Variants in PIEZO2 observed in about 807,000 individuals in gnomAD.
PIEZO2 encodes piezo type mechanosensitive ion channel component 2, also known as piezo-type mechanosensitive ion channel component 2.
Under a neutral mutation model 337.3 loss-of-function variants are expected in PIEZO2, and 172 were observed. The observed-to-expected ratio is 0.51, with a 90% confidence interval of 0.45 to 0.58. PIEZO2 has a LOEUF of 0.58. Among genes scored for constraint, PIEZO2 ranks in the 20% least tolerant of loss-of-function variants. The probability of loss-of-function intolerance (pLI) is 0.00; values close to 1 mark genes in which losing one functional copy is unlikely to be tolerated. For missense variants in PIEZO2, 3,028 were observed against 3,391.3 expected, an observed-to-expected ratio of 0.89 and a Z score of 2.66; for synonymous variants, 1,251 against 1,228.5, an observed-to-expected ratio of 1.02 and a Z score of -0.38.
intron 1 of PIEZO2, among the ~76,000 whole-genome samples, chr18:11,138,842 G>C (rs1173186028): frequency 6.6e-6 from 1 of 152,166 alleles, no homozygotes; most frequent in East Asian, 1.9e-4. Context: ...TTGTTTCAAA[G>C]GTAACCATGA....
chr18:10,954,867 T>C lies in PIEZO2; in HGVS notation c.286+24668A>G, dbSNP rs2033450555. ...CTGATGTTAGTAATGTTTTCCTTGA[T>C]CTCCCCAGAAAAGTATAAACTTCAG... On this transcript the variant is annotated intron_variant, in intron 3 of 55. Transcript: ENST00000674853. This position sits in a 1 kb window ranked among gnomAD's most constrained non-coding sequence, Gnocchi z 4.2. Among the ~76,000 whole-genome samples, 1 of 152,212 alleles carries C rather than the reference T, an allele frequency of 6.6e-6. No individual in the cohort carries two copies. Among genetic ancestry groups the C allele is most frequent in the South Asian group, 2.1e-4 (1 of 4,828 alleles).
At chr18:10,867,890 G>A (rs1019765059) in intron 5 of PIEZO2, among the ~76,000 whole-genome samples, 22 of 152,034 alleles carry the variant, frequency 1.4e-4, no homozygotes, top group Admixed American at 2.0e-4. Context: ...ATGAACAAAT[G>A]AGCAAGACCA....
chr18:11,038,098 C>G lies in PIEZO2; in HGVS notation c.160+28029G>C, dbSNP rs1301065495. ...AAGTCACACTTGTTTTTCATTGGCT[C>G]AAAACATTGTAAAAGATACTCTGCA... On this transcript the variant is annotated intron_variant, in intron 2 of 55. Coordinates refer to ENST00000674853, the MANE Select transcript of PIEZO2 (RefSeq NM_001378183.1). This position sits in a 1 kb window ranked among gnomAD's most constrained non-coding sequence, Gnocchi z 4.1. 6.6e-6 allele frequency among the ~76,000 whole-genome samples: 1 copy of G among 152,078 alleles called. No homozygotes were observed. The highest frequency in any genetic ancestry group is 1.5e-5 in the Non-Finnish European group (1 of 68,022).
rs1341722055 is a variant in PIEZO2 at position 10,855,705 on chromosome 18, T to C, written c.704-139A>G. Reference sequence around the variant, plus strand: ...TTAAAATAGTAATTTTTAAAAATCATGTTTGATTTATATAATAAAAATTAA... The same window carrying C: ...TTAAAATAGTAATTTTTAAAAATCACGTTTGATTTATATAATAAAAATTAA... On this transcript the variant is annotated intron_variant, in intron 6 of 55. Coordinates refer to ENST00000674853, the MANE Select transcript of PIEZO2 (RefSeq NM_001378183.1). The surrounding 1 kb of genome is among the most constrained non-coding windows in gnomAD (Gnocchi z 4.9). The C allele has an allele frequency of 4.4e-6, 3 of 683,822 alleles. No homozygotes were observed. The highest frequency in any genetic ancestry group is 2.4e-6 in the Non-Finnish European group (1 of 419,462). The allele number at this position is 683,822 out of a possible 1,614,324, so 42.4% of individuals were successfully genotyped here.
intron 27 of PIEZO2, among the ~76,000 whole-genome samples, chr18:10,754,028 G>A (rs2037746132): frequency 1.3e-5 from 2 of 152,312 alleles, no homozygotes; most frequent in South Asian, 4.1e-4. Flanking sequence ...TGGGCTGCTA[G>A]CATTTTGAGT....
At chr18:10,812,404 A>T (rs1282067757) in intron 7 of PIEZO2, among the ~76,000 whole-genome samples, 1 of 152,182 alleles carries the variant, frequency 6.6e-6, no homozygotes, top group East Asian at 1.9e-4. Flanking sequence ...GAGGGCGAGG[A>T]TGTAAAAAAC....
At chr18:10,743,787 C>T (rs1337380045) in intron 31 of PIEZO2, among the ~76,000 whole-genome samples, 4 of 152,150 alleles carry the variant, frequency 2.6e-5, no homozygotes, top group Non-Finnish European at 4.4e-5. Context: ...TACAAAAACC[C>T]AGGAAGGCAG....
At position 10,758,138 on chromosome 18, in the gene PIEZO2, A is replaced by G. The variant is rs1211738798; in HGVS notation, c.3758-4T>C. ...CACAGAAGCAGCATGAAGTCATCTA[A>G]CAAGACAGAGGTGAGATCATTAAGC... is the stretch of plus-strand genomic sequence containing the variant. On this transcript the variant is annotated splice_region_variant and splice_polypyrimidine_tract_variant and intron_variant, in intron 26 of 55. Transcript: ENST00000674853. The G allele has an allele frequency of 1.3e-6, 2 of 1,537,166 alleles. No homozygotes were observed. The highest frequency in any genetic ancestry group is 4.9e-5 in the East Asian group (2 of 40,928).
At chr18:11,139,122 G>T (rs1188492686) in intron 1 of PIEZO2, among the ~76,000 whole-genome samples, 1 of 152,138 alleles carries the variant, frequency 6.6e-6, no homozygotes, top group South Asian at 2.1e-4. Flanking sequence ...GGCACTGCTC[G>T]AAGCACTCTA....
chr18:10,682,704 T>G lies in PIEZO2; in HGVS notation c.7498-412A>C, dbSNP rs2034321490. On this transcript the variant is annotated intron_variant, in intron 49 of 55. Transcript: ENST00000674853. This position sits in a 1 kb window ranked among gnomAD's most constrained non-coding sequence, Gnocchi z 5.6. ...TCCTGAATATTTAAAATCTGTGCCT[T>G]TCAGTTGACCCTTCCCTGCCCTTGG... 6.6e-6 allele frequency among the ~76,000 whole-genome samples: 1 copy of G among 152,184 alleles called. No individual in the cohort carries two copies. Among genetic ancestry groups the G allele is most frequent in the Non-Finnish European group, 1.5e-5 (1 of 68,024 alleles).
At chr18:11,067,727 C>T (rs369045876) in intron 1 of PIEZO2, among the ~76,000 whole-genome samples, 126 of 152,234 alleles carry the variant, frequency 8.3e-4, no homozygotes, top group African/African-American at 2.6e-3. Context: ...CAAATATCAA[C>T]GGATATAAAT....
Position 10,671,338 on chromosome 18 carries a change from A to G in PIEZO2, c.*189T>C. ...TTTCAGAGAAATGGAGTTACAAATA[A>G]CATTTTCAACAGTGCCTTAACTTGC... On this transcript the variant is annotated 3_prime_UTR_variant, in exon 56 of 56. Transcript: ENST00000674853. 1.9e-6 allele frequency: 1 copy of G among 539,034 alleles called. No homozygotes were observed. Among genetic ancestry groups the G allele is most frequent in the African/African-American group, 1.9e-5 (1 of 51,694 alleles). 33.4% of individuals were successfully genotyped at this position (539,034 alleles called of 1,614,324 possible). A position where few individuals can be genotyped will look rare whatever the true frequency, so the allele number is the denominator to read the frequency against.
intron 7 of PIEZO2, among the ~76,000 whole-genome samples, chr18:10,817,568 G>A (rs10502405): frequency 0.13 from 19,782 of 152,042 alleles, 1,409 homozygotes; most frequent in Admixed American, 0.21. Flanking sequence ...AAGTTCTTCC[G>A]TGGCCTCATT....
intron 3 of PIEZO2, among the ~76,000 whole-genome samples, chr18:10,976,458 C>A (rs938693619): frequency 6.6e-6 from 1 of 152,114 alleles, no homozygotes; most frequent in Non-Finnish European, 1.5e-5. Context: ...TTCACATATC[C>A]CTTCTCTATT....
chr18:11,040,255 C>T (rs889391562), intron 2 of PIEZO2, among the ~76,000 whole-genome samples: 10 of 150,920 alleles, frequency 6.6e-5, no homozygotes, highest in African/African-American at 2.4e-4. Context: ...ATTATTGACA[C>T]CTTACGCTTA....
chr18:11,140,845 C>CT (rs1451050354), intron 1 of PIEZO2, among the ~76,000 whole-genome samples: 1 of 152,206 alleles, frequency 6.6e-6, no homozygotes, highest in Non-Finnish European at 1.5e-5. Flanking sequence ...TACACTCAGG[C>CT]TAACTGGATG....
rs2042666855 is a variant in PIEZO2 at position 10,888,397 on chromosome 18, T to G, written c.330-16982A>C. 6.6e-6 allele frequency among the ~76,000 whole-genome samples: 1 copy of G among 152,184 alleles called. No individual in the cohort carries two copies. Among genetic ancestry groups the G allele is most frequent in the Non-Finnish European group, 1.5e-5 (1 of 68,034 alleles). ...TAAGGTTTTTAGGCCTGTCTTCTAC[T>G]TTCTCTGCTCCAAGCCTTTCTACTC... is the stretch of plus-strand genomic sequence containing the variant. On this transcript the variant is annotated intron_variant, in intron 4 of 55. Coordinates refer to ENST00000674853, the MANE Select transcript of PIEZO2 (RefSeq NM_001378183.1). The surrounding 1 kb of genome is among the most constrained non-coding windows in gnomAD (Gnocchi z 4.1).
rs745895175 is a variant in PIEZO2, at chr18:10,680,239, TG to T, written c.7911del (p.Asn2638IlefsTer16). 8.1e-6 allele frequency: 13 copies of T among 1,613,786 alleles called. No homozygotes were observed. The highest frequency in any genetic ancestry group is 1.7e-5 in the Admixed American group (1 of 59,986). On this transcript the variant is annotated frameshift_variant, in exon 52 of 56. Transcript: ENST00000674853. LOFTEE classifies it high-confidence loss of function. ...GAAAAAACAACAGAGAAGCTACTAT[TG>T]GGGTCCAGGAGTTCGTGTATCATTT... ...KQKMIHELLD[P>X]NSSFSVVFSW...
At chr18:11,072,592 G>A (rs770361615) in intron 1 of PIEZO2, among the ~76,000 whole-genome samples, 6 of 152,126 alleles carry the variant, frequency 3.9e-5, no homozygotes, top group African/African-American at 1.4e-4. Flanking sequence ...TGACAAGCCC[G>A]GATCTATGCA....
Sources: gnomAD v4.1 joint callset for allele counts (sites outside exome capture counted in the v4.1 genomes callset) on GRCh38, gnomAD v4.1.1 for gene constraint, Gnocchi (gnomAD v3.1) non-coding constraint, MANE v1.5 for transcripts, NCBI Gene and HGNC (gene_info 2026-07-23, HGNC 2026-07-21) for gene names.